The following SH3BP2 variants were observed in gnomAD, a reference collection of about 807,000 sequenced individuals.
SH3BP2 encodes the protein SH3 domain binding protein 2.
In SH3BP2, 38 loss-of-function variants were observed where a neutral mutation model predicts 56.2. That is an observed-to-expected ratio of 0.68 (90% CI 0.52 to 0.89). SH3BP2 has a LOEUF of 0.89. Ranked by LOEUF, SH3BP2 falls within the 40% of genes least tolerant of loss-of-function variation. SH3BP2 has a pLI of 0.00. For missense variants in SH3BP2, 748 were observed against 762.6 expected (o/e 0.98, Z 0.23); for synonymous variants, 346 against 316.7 (o/e 1.09, Z -0.98).
intron 5 of SH3BP2, among the ~76,000 whole-genome samples, chr4:2,825,721 T>TTA (rs1468525408): frequency 6.6e-6 from 1 of 152,198 alleles, no homozygotes; most frequent in Non-Finnish European, 1.5e-5. Context: ...TCATGTGTGT[T>TTA]TATACGCCTG....
rs548742750 is a variant in SH3BP2, at chr4:2,829,785, A to G, written c.879A>G (p.Lys293=). ...TGCCCACCGCACCCGGCCTCCGGAAACCCCCTTGCTTCCGGGAGAGTGCCA... is the reference window on the plus strand; with the variant it reads ...TGCCCACCGCACCCGGCCTCCGGAAGCCCCCTTGCTTCCGGGAGAGTGCCA... ...STMPTAPGLR[K]PPCFRESASP... is the part of the protein sequence containing the mutation. Residue 293 remains lysine, a synonymous_variant, in exon 8 of 13, where the codon AAA becomes AAG. Transcript: ENST00000503393. This position sits in a 1 kb window ranked among gnomAD's most constrained non-coding sequence, Gnocchi z 4.9. 24 of 1,612,376 alleles carry G rather than the reference A, an allele frequency of 1.5e-5. No homozygotes were observed. The highest frequency in any genetic ancestry group is 2.0e-5 in the Non-Finnish European group (24 of 1,179,746).
At chr4:2,827,735 G>C (rs1724753507) in intron 7 of SH3BP2, 61 bp downstream of exon 7, 2 of 1,403,816 alleles carry the variant, frequency 1.4e-6, no homozygotes, top group Non-Finnish European at 2.0e-6. Flanking sequence ...GCTGGGACCG[G>C]GAGCAGAGCC....
At chr4:2,826,905 G>C (rs1560108586) in intron 5 of SH3BP2, 1 of 546,512 alleles carries the variant, frequency 1.8e-6, no homozygotes, top group African/African-American at 1.9e-5. Flanking sequence ...GTGTCTTTGT[G>C]TATATATATC....
intron 1 of SH3BP2, chr4:2,796,372 A>G (rs1436805973): frequency 2.0e-6 from 2 of 982,722 alleles, no homozygotes; most frequent in Non-Finnish European, 2.4e-6. Flanking sequence ...TCTTCTCCCC[A>G]GGCTCTGTAA....
chr4:2,795,991 GC>G (rs1260335551), intron 1 of SH3BP2, among the ~76,000 whole-genome samples: 7 of 152,156 alleles, frequency 4.6e-5, no homozygotes. Context: ...TCACTGGCTG[GC>G]CCCCTTCCCT....
chr4:2,812,692 G>C (rs560234639), intron 1 of SH3BP2, among the ~76,000 whole-genome samples: 1 of 152,286 alleles, frequency 6.6e-6, no homozygotes, highest in East Asian at 1.9e-4. Context: ...AGGCACAGGG[G>C]GAGGCCAGAG....
intron 1 of SH3BP2, among the ~76,000 whole-genome samples, chr4:2,804,129 C>T (rs1204490611): frequency 6.6e-6 from 1 of 152,176 alleles, no homozygotes; most frequent in African/African-American, 2.4e-5. Context: ...CGGTTTCCTG[C>T]TCTCGGTTTC....
At chr4:2,800,797 G>C (rs1357003821) in intron 1 of SH3BP2, among the ~76,000 whole-genome samples, 7 of 152,292 alleles carry the variant, frequency 4.6e-5, no homozygotes, top group African/African-American at 1.4e-4. Context: ...GGGTGTCTTG[G>C]GGTGACCTGG....
Position 2,829,424 on chromosome 4 carries a change from C to CA in SH3BP2, c.587-68dup. The CA allele has an allele frequency of 6.4e-7, 1 of 1,558,198 alleles. No individual in the cohort carries two copies. The highest frequency in any genetic ancestry group is 8.8e-7 in the Non-Finnish European group (1 of 1,130,268). ...TGCACTCCTGGTTGGCCTGGCTGAC[C>CA]ACTGCCAGCAGAGGATAGTGTTGGC... On this transcript the variant is annotated intron_variant, in intron 7 of 12. Transcript: ENST00000503393. The surrounding 1 kb of genome is among the most constrained non-coding windows in gnomAD (Gnocchi z 4.9).
chr4:2,806,971 G>A (rs1180060056), intron 1 of SH3BP2, among the ~76,000 whole-genome samples: 1 of 152,262 alleles, frequency 6.6e-6, no homozygotes, highest in Non-Finnish European at 1.5e-5. Context: ...GCCCTTGTCT[G>A]CATTTTTCTT....
chr4:2,795,032 G>A lies in SH3BP2; in HGVS notation c.-5+1894G>A, dbSNP rs151014015. Among the ~76,000 whole-genome samples, 24 of 152,288 alleles carry A rather than the reference G, an allele frequency of 1.6e-4. No homozygotes were observed. The East Asian group carries it at 4.0e-3, about 26-fold the overall frequency. The stretch of plus-strand genomic sequence containing the variant: ...GGAGGCTTCCCCCTGCCACCCCTCC[G>A]TTTTCTCATCCATGACCTGAGGGCT... On this transcript the variant is annotated intron_variant, in intron 1 of 12. Coordinates refer to ENST00000503393, the MANE Select transcript of SH3BP2 (RefSeq NM_001122681.2).
At chr4:2,801,556 C>G (rs538155161) in intron 1 of SH3BP2, among the ~76,000 whole-genome samples, 1 of 152,326 alleles carries the variant, frequency 6.6e-6, no homozygotes, top group Admixed American at 6.5e-5. Context: ...GGCCTGCTCT[C>G]CCACCCCGAT....
intron 6 of SH3BP2, 69 bp from the exon 7 acceptor site, chr4:2,827,537 G>T: frequency 4.0e-6 from 6 of 1,491,026 alleles, no homozygotes; most frequent in Non-Finnish European, 4.6e-6. Flanking sequence ...TCAGCCCCAT[G>T]CATGGAGCAT....
chr4:2,818,614 C>T, intron 1 of SH3BP2: 1 of 672,184 alleles, frequency 1.5e-6, no homozygotes, highest in Non-Finnish European at 1.9e-6. Flanking sequence ...TCCCCGCGGG[C>T]GGACTGGGCA....
intron 1 of SH3BP2, chr4:2,819,043 C>T: frequency 4.0e-6 from 1 of 247,778 alleles, no homozygotes; most frequent in Admixed American, 6.5e-5. Context: ...ATCGATCCTC[C>T]TGGATAAGCC....
At chr4:2,827,745 C>A in intron 7 of SH3BP2, 71 bp downstream of exon 7, 1 of 1,351,516 alleles carries the variant, frequency 7.4e-7, no homozygotes, top group Non-Finnish European at 1.0e-6. Context: ...GGAGCAGAGC[C>A]CCTCCGAGGC....
Position 2,794,336 on chromosome 4 carries a change from G to A in SH3BP2, c.-5+1198G>A, listed in dbSNP as rs1457946601. On this transcript the variant is annotated intron_variant, in intron 1 of 12. Transcript: ENST00000503393. ...TGGCTCAGGCCCTGTGGGACCAGAG[G>A]AGGGGCTGGGCTCCACCCCCTCCTG... The A allele has an allele frequency of 2.0e-5, 3 of 152,368 alleles. No homozygotes were observed. In the South Asian group the frequency reaches 6.2e-4, roughly 31 times the overall value. 9.4% of individuals were successfully genotyped at this position (152,368 alleles called of 1,614,324 possible). A position where few individuals can be genotyped will look rare whatever the true frequency, so the allele number is the denominator to read the frequency against.
intron 3 of SH3BP2, 134 bp downstream of exon 3, chr4:2,823,171 CCT>C (rs1724403044): frequency 8.5e-6 from 6 of 705,236 alleles, no homozygotes; most frequent in African/African-American, 1.7e-5. Context: ...GTGCCCATCC[CCT>C]GTCCTCCCCG....
At chr4:2,830,396 C>A (rs971728083) in intron 8 of SH3BP2, among the ~76,000 whole-genome samples, 31 of 152,224 alleles carry the variant, frequency 2.0e-4, no homozygotes, top group Non-Finnish European at 1.0e-4. Context: ...GGGTCTCACG[C>A]TGGCAACCAA....
Sources: gnomAD v4.1 joint callset for allele counts (sites outside exome capture counted in the v4.1 genomes callset) on GRCh38, gnomAD v4.1.1 for gene constraint, Gnocchi (gnomAD v3.1) non-coding constraint, MANE v1.5 for transcripts, NCBI Gene and HGNC (gene_info 2026-07-23, HGNC 2026-07-21) for gene names.